ZNF385D: variants seen among roughly 807,000 people sequenced by gnomAD.
The protein encoded by ZNF385D is zinc finger protein 659.
Under a neutral mutation model 35.8 loss-of-function variants are expected in ZNF385D, and 15 were observed. The ratio of observed to expected loss-of-function variants is 0.42; its 90% CI spans 0.28 to 0.64. The LOEUF (loss-of-function observed/expected upper bound fraction) is 0.64. ZNF385D is among the 30% of genes least tolerant of loss of function. ZNF385D has a pLI of 0.23. For missense variants in ZNF385D, 474 were observed against 494.6 expected, an observed-to-expected ratio of 0.96 and a Z score of 0.39; for synonymous variants, 212 against 186.8, an observed-to-expected ratio of 1.13 and a Z score of -1.10.
At chr3:21,930,446 C>T (rs1471339152) in intron 3 of ZNF385D, among the ~76,000 whole-genome samples, 1 of 152,028 alleles carries the variant, frequency 6.6e-6, no homozygotes, top group Non-Finnish European at 1.5e-5. Context: ...CTCTGGACTT[C>T]ACTCTAATTT....
At chr3:21,602,861 A>T (rs1315959036) in intron 2 of ZNF385D, among the ~76,000 whole-genome samples, 1 of 151,882 alleles carries the variant, frequency 6.6e-6, no homozygotes, top group African/African-American at 2.4e-5. Context: ...TACAAACAGA[A>T]CTCGGCCCAC....
At chr3:21,631,658 G>A (rs796166563) in intron 2 of ZNF385D, among the ~76,000 whole-genome samples, 3 of 152,148 alleles carry the variant, frequency 2.0e-5, no homozygotes, top group African/African-American at 4.8e-5. Flanking sequence ...TCAAACCTCA[G>A]CTTCTTTAAA....
At chr3:22,022,349 A>C (rs1163000573) in intron 3 of ZNF385D, among the ~76,000 whole-genome samples, 1 of 152,060 alleles carries the variant, frequency 6.6e-6, no homozygotes, top group Non-Finnish European at 1.5e-5. Context: ...TTTCCACATC[A>C]ATTTCTTAAT....
intron 3 of ZNF385D, among the ~76,000 whole-genome samples, chr3:21,825,540 G>A (rs74704090): frequency 0.16 from 24,509 of 151,870 alleles, 2,517 homozygotes; most frequent in Middle Eastern, 0.24. Flanking sequence ...TACAAGCCTT[G>A]TGAATGACAT....
At chr3:21,794,114 G>C (rs1309993867) in intron 3 of ZNF385D, among the ~76,000 whole-genome samples, 1 of 152,208 alleles carries the variant, frequency 6.6e-6, no homozygotes, top group African/African-American at 2.4e-5. Flanking sequence ...AAACAAATGA[G>C]AGCCTTATGT....
intron 2 of ZNF385D, among the ~76,000 whole-genome samples, chr3:22,280,427 T>C (rs535156705): frequency 1.3e-4 from 20 of 152,014 alleles, no homozygotes; most frequent in South Asian, 8.3e-4. Flanking sequence ...TAAAGTCTGA[T>C]CTTAAGCTGA....
At chr3:22,251,790 G>C (rs1349546798) in intron 2 of ZNF385D, among the ~76,000 whole-genome samples, 1 of 152,032 alleles carries the variant, frequency 6.6e-6, no homozygotes, top group Non-Finnish European at 1.5e-5. Flanking sequence ...TTCAGAGTTT[G>C]AGCTTGGGAT....
intron 3 of ZNF385D, among the ~76,000 whole-genome samples, chr3:21,912,738 T>G (rs1010667772): frequency 1.4e-4 from 21 of 152,078 alleles, no homozygotes; most frequent in African/African-American, 5.1e-4. Flanking sequence ...TATGCTAAAA[T>G]ACACTGACAA....
intron 4 of ZNF385D, among the ~76,000 whole-genome samples, chr3:21,491,718 C>T (rs548801459): frequency 1.3e-5 from 2 of 152,130 alleles, no homozygotes; most frequent in Admixed American, 6.6e-5. Context: ...TGCTTTCATG[C>T]AAGTGTCAGA....
chr3:21,469,955 A>C (rs1703779195), intron 4 of ZNF385D, among the ~76,000 whole-genome samples: 1 of 152,202 alleles, frequency 6.6e-6, no homozygotes, highest in East Asian at 1.9e-4. Flanking sequence ...AATGGGTAAA[A>C]GGACTAAGGA....
chr3:21,461,936 C>A lies in ZNF385D; in HGVS notation c.440-24733G>T, dbSNP rs147482145. On this transcript the variant is annotated intron_variant, in intron 4 of 7. Transcript: ENST00000281523. The stretch of plus-strand genomic sequence containing the variant: ...GAGCACTTAAGTATCTGACTTAGAG[C>A]CTTCCTGTGACTTTCTAGTTCTTAG... Among the ~76,000 whole-genome samples, 251 of 152,282 alleles carry A rather than the reference C, an allele frequency of 1.6e-3. 1 individual carries two copies. The highest frequency in any genetic ancestry group is 2.6e-3 in the Non-Finnish European group (178 of 68,024).
chr3:22,320,941 T>G (rs1694381322), intron 2 of ZNF385D, among the ~76,000 whole-genome samples: 1 of 151,874 alleles, frequency 6.6e-6, no homozygotes, highest in Admixed American at 6.6e-5. Context: ...GGAAGAAAAA[T>G]GGATCGTTAA....
intron 2 of ZNF385D, among the ~76,000 whole-genome samples, chr3:22,269,378 C>T (rs1701059403): frequency 6.6e-6 from 1 of 151,876 alleles, no homozygotes; most frequent in Non-Finnish European, 1.5e-5. Context: ...GCAGGAGGCA[C>T]CAGTAGACTG....
chr3:21,693,917 C>CA (rs1218523174), intron 1 of ZNF385D, among the ~76,000 whole-genome samples: 1 of 140,960 alleles, frequency 7.1e-6, no homozygotes, highest in African/African-American at 2.6e-5. Flanking sequence ...GTCTCACTGT[C>CA]ACCCAGGCTG....
In ZNF385D at chr3:21,412,546, A is replaced by G. The variant is rs1434918102; in HGVS notation, c.*8668T>C. The G allele has an allele frequency of 6.6e-6, 1 of 152,106 alleles. No individual in the cohort carries two copies. The highest frequency in any genetic ancestry group is 2.4e-5 in the African/African-American group (1 of 41,422). 9.4% of individuals were successfully genotyped at this position (152,106 alleles called of 1,614,324 possible). ...AATAAGCAACCATTTTGATTCCACA[A>G]ACCAAGCGAAGAATAAGGACATGAA... On this transcript the variant is annotated 3_prime_UTR_variant, in exon 8 of 8. Coordinates refer to ENST00000281523, the MANE Select transcript of ZNF385D (RefSeq NM_024697.3).
At chr3:22,033,432 T>TAAC (rs1333008244) in intron 3 of ZNF385D, among the ~76,000 whole-genome samples, 1 of 143,362 alleles carries the variant, frequency 7.0e-6, no homozygotes. Flanking sequence ...ATAATAATAA[T>TAAC]AATAATAATG....
At chr3:21,760,185 A>T (rs1368688488) in intron 3 of ZNF385D, among the ~76,000 whole-genome samples, 1 of 152,196 alleles carries the variant, frequency 6.6e-6, no homozygotes, top group Non-Finnish European at 1.5e-5. Flanking sequence ...GGATAAAATG[A>T]CCGGATGCCA....
At chr3:21,677,824 G>A (rs981446998) in intron 1 of ZNF385D, among the ~76,000 whole-genome samples, 3 of 151,802 alleles carry the variant, frequency 2.0e-5, no homozygotes, top group African/African-American at 7.3e-5. Flanking sequence ...TTTAGTTGTG[G>A]AAACTGGGGA....
chr3:21,876,270 T>C (rs1697962579), intron 3 of ZNF385D, among the ~76,000 whole-genome samples: 1 of 151,022 alleles, frequency 6.6e-6, no homozygotes, highest in African/African-American at 2.4e-5. Flanking sequence ...TCTGGTGTGT[T>C]TTTTTTTTCT....
Sources: allele counts gnomAD v4.1 joint callset (sites outside exome capture counted in the v4.1 genomes callset), GRCh38; gene constraint gnomAD v4.1.1; transcripts MANE v1.5; gene names NCBI Gene and HGNC (gene_info 2026-07-23, HGNC 2026-07-21).